The following MARK2 variants were observed in gnomAD, a reference collection of about 807,000 sequenced individuals.
MARK2 encodes serine/threonine-protein kinase MARK2.
MARK2 carries 16 observed loss-of-function variants against 89.8 expected under a neutral mutation model. That is an observed-to-expected ratio of 0.18 (90% confidence interval 0.12 to 0.27). The LOEUF (loss-of-function observed/expected upper bound fraction) is 0.27. Among genes scored for constraint, MARK2 ranks in the 10% least tolerant of loss-of-function variants. The probability of loss-of-function intolerance (pLI) is 1.00; values close to 1 mark genes in which losing one functional copy is unlikely to be tolerated. For synonymous variants in MARK2, 382 were observed against 399.5 expected (o/e 0.96, Z 0.52); for missense variants, 621 against 1,049.9 (o/e 0.59, Z 5.65).
chr11:63,877,396 C>T (rs1371216776), intron 1 of MARK2, among the ~76,000 whole-genome samples: 2 of 152,166 alleles, frequency 1.3e-5, no homozygotes, highest in Non-Finnish European at 2.9e-5. Context: ...CAGGCGTGAG[C>T]CACTGCACCC....
At position 63,908,886 on chromosome 11, in the gene MARK2, G is replaced by A. The variant is rs893739769; in HGVS notation, c.2016G>A (p.Val672=). The A allele has an allele frequency of 7.3e-6, 11 of 1,506,668 alleles. No individual in the cohort carries two copies. The highest frequency in any genetic ancestry group is 1.4e-5 in the African/African-American group (1 of 71,710). 93.3% of individuals were successfully genotyped at this position (1,506,668 alleles called of 1,614,324 possible). The stretch of plus-strand genomic sequence containing the variant: ...TCTGCCCTCTCCACAGACCTCACGT[G>A]GTGGGCAGTGGCGGCAACGACAAAG... The part of the protein sequence containing the change: ...KDRVETLRPH[V]VGSGGNDKEK... Residue 672 remains valine (V), a synonymous_variant, in exon 19 of 19, where the codon GTG becomes GTA. Transcript: ENST00000402010.
intron 4 of MARK2, 83 bp from the exon 5 acceptor site, chr11:63,898,525 C>A: frequency 8.8e-7 from 1 of 1,132,356 alleles, no homozygotes; most frequent in South Asian, 1.3e-5. Context: ...GACTTTCGTT[C>A]CTAGGATGCT....
rs1171912102 is a variant in MARK2 at position 63,895,251 on chromosome 11, C to T, written c.147C>T (p.His49=). 1 of 1,614,112 alleles carries T rather than the reference C, an allele frequency of 6.2e-7. No homozygotes were observed. Among genetic ancestry groups the T allele is most frequent in the Non-Finnish European group, 8.5e-7 (1 of 1,179,990 alleles). ...NSATSADEQP[H]IGNYRLLKTI... ...CCACCTCTGCTGATGAGCAGCCCCA[C>T]ATTGGAAACTACCGGCTCCTCAAGA... The change falls in exon 2 of 19, where the codon CAC becomes CAT. Residue 49 remains histidine, a synonymous_variant. Coordinates refer to ENST00000402010, the MANE Select transcript of MARK2 (RefSeq NM_001039469.3).
chr11:63,887,462 A>T (rs1252596680), intron 1 of MARK2, among the ~76,000 whole-genome samples: 1 of 152,200 alleles, frequency 6.6e-6, no homozygotes, highest in East Asian at 1.9e-4. Context: ...GAAATGCTGA[A>T]TCCGTTGGCC....
chr11:63,862,527 A>G (rs1019329153), intron 1 of MARK2, among the ~76,000 whole-genome samples: 2 of 152,182 alleles, frequency 1.3e-5, no homozygotes, highest in Non-Finnish European at 2.9e-5. Context: ...CTTGGTGGCC[A>G]TTGGTAAATG....
rs568937869 is a variant in MARK2, at chr11:63,858,396, A to G, written c.54+18836A>G. Among the ~76,000 whole-genome samples the G allele has an allele frequency of 6.4e-4, 95 of 148,652 alleles. 1 individual carries two copies. The highest frequency in any genetic ancestry group is 1.9e-3 in the African/African-American group (78 of 40,176). ...TTTTTTTGAGACAGTGTCTCACTCT[A>G]TCACCCAGGCTGGAGTGCAATGGCA... On this transcript the variant is annotated intron_variant, in intron 1 of 18. Coordinates refer to ENST00000402010, the MANE Select transcript of MARK2 (RefSeq NM_001039469.3).
At chr11:63,854,172 C>G (rs2016717931) in intron 1 of MARK2, among the ~76,000 whole-genome samples, 1 of 139,890 alleles carries the variant, frequency 7.1e-6, no homozygotes, top group Non-Finnish European at 1.5e-5. Context: ...CATGCCTGGC[C>G]AAGACTATTA....
In MARK2 at chr11:63,904,173, A is replaced by T. The variant is rs771516783; in HGVS notation, c.1676+26A>T. 1.3e-4 allele frequency: 197 copies of T among 1,536,340 alleles called. No homozygotes were observed. In the South Asian group the frequency reaches 2.2e-3, roughly 17 times the overall value. ...GCAAGTGTGCTGGGGCAGCTGGTGC[A>T]CCTGCTGCCCTCAGCCCACCCTACC... is the stretch of plus-strand genomic sequence containing the variant. On this transcript the variant is annotated intron_variant, in intron 15 of 18. Coordinates refer to ENST00000402010, the MANE Select transcript of MARK2 (RefSeq NM_001039469.3). This position sits in a 1 kb window ranked among gnomAD's most constrained non-coding sequence, Gnocchi z 6.3.
In MARK2 at chr11:63,904,629, T is replaced by TG. The variant is rs1162719744; in HGVS notation, c.1677-156dup. Among the ~76,000 whole-genome samples, 1 of 152,028 alleles carries TG rather than the reference T, an allele frequency of 6.6e-6. No individual in the cohort carries two copies. The highest frequency in any genetic ancestry group is 2.4e-5 in the African/African-American group (1 of 41,400). On this transcript the variant is annotated intron_variant, in intron 15 of 18. Transcript: ENST00000402010. The surrounding 1 kb of genome is among the most constrained non-coding windows in gnomAD (Gnocchi z 6.3). Reference sequence around the variant, plus strand: ...TTCCACGAGACTTCCTTCTCACCACTGTCCTCAGTAGTCACACCCTTCCTT... The same window carrying TG: ...TTCCACGAGACTTCCTTCTCACCACTGGTCCTCAGTAGTCACACCCTTCCTT...
intron 3 of MARK2, among the ~76,000 whole-genome samples, chr11:63,896,489 C>A (rs1207293921): frequency 6.6e-6 from 1 of 152,214 alleles, no homozygotes; most frequent in Non-Finnish European, 1.5e-5. Flanking sequence ...CAGATATTTT[C>A]TCCATAAGCA....
At chr11:63,870,257 T>A (rs1033728883) in intron 1 of MARK2, among the ~76,000 whole-genome samples, 19 of 152,260 alleles carry the variant, frequency 1.2e-4, no homozygotes, top group Admixed American at 4.6e-4. Flanking sequence ...TGTATTTTTG[T>A]GGAGACAGGG....
intron 17 of MARK2, among the ~76,000 whole-genome samples, chr11:63,907,443 C>T (rs937819478): frequency 1.3e-5 from 2 of 152,238 alleles, no homozygotes; most frequent in African/African-American, 2.4e-5. Flanking sequence ...TGCTCTTCCT[C>T]CTTCCTCTCA....
rs146498744 is a variant in MARK2 at position 63,887,119 on chromosome 11, G to A, written c.55-8040G>A. Among the ~76,000 whole-genome samples, 856 of 152,304 alleles carry A rather than the reference G, an allele frequency of 5.6e-3. 4 individuals carry two copies. Among genetic ancestry groups the A allele is most frequent in the Admixed American group, 9.0e-3 (137 of 15,298 alleles). On this transcript the variant is annotated intron_variant, in intron 1 of 18. Transcript: ENST00000402010. ...CAAACATTGTCATTCCCAGTGTCCC[G>A]AGCACCTTCCCTGAGTCTTCATACC...
At chr11:63,883,258 C>T (rs916252843) in intron 1 of MARK2, among the ~76,000 whole-genome samples, 6 of 152,176 alleles carry the variant, frequency 3.9e-5, no homozygotes, top group African/African-American at 1.4e-4. Flanking sequence ...AGGGCGAAGG[C>T]ATGGGCACCA....
chr11:63,890,668 G>A (rs919920903), intron 1 of MARK2, among the ~76,000 whole-genome samples: 4 of 152,236 alleles, frequency 2.6e-5, no homozygotes, highest in Non-Finnish European at 5.9e-5. Flanking sequence ...CTTCAGCTGA[G>A]CTGTAGCTGG....
intron 17 of MARK2, among the ~76,000 whole-genome samples, chr11:63,906,864 T>A (rs1590713192): frequency 8.3e-6 from 1 of 121,210 alleles, no homozygotes; most frequent in African/African-American, 3.1e-5. Flanking sequence ...TCTGGATAAA[T>A]CAAGCCTCTT....
chr11:63,878,433 G>T (rs1025756143), intron 1 of MARK2, among the ~76,000 whole-genome samples: 1 of 132,996 alleles, frequency 7.5e-6, no homozygotes. Flanking sequence ...TCAGTGGCAC[G>T]ATCTCGGCTC....
At chr11:63,881,912 T>C (rs999912731) in intron 1 of MARK2, among the ~76,000 whole-genome samples, 1 of 152,036 alleles carries the variant, frequency 6.6e-6, no homozygotes, top group African/African-American at 2.4e-5. Flanking sequence ...GCTGTGATTG[T>C]GCCATTGCAG....
In MARK2 at chr11:63,909,341, T is replaced by C. The variant is rs1941601994; in HGVS notation, c.*104T>C. The C allele has an allele frequency of 1.6e-6, 2 of 1,239,874 alleles. No individual in the cohort carries two copies. Among genetic ancestry groups the C allele is most frequent in the East Asian group, 2.7e-5 (1 of 37,396 alleles). The allele number at this position is 1,239,874 out of a possible 1,614,324, so 76.8% of individuals were successfully genotyped here. A position where few individuals can be genotyped will look rare whatever the true frequency, so the allele number is the denominator to read the frequency against. The stretch of plus-strand genomic sequence containing the variant: ...GACTGCAGCGATGGATTGGTGTGTC[T>C]CCCCTGCTGGCACTTCTCCCCTCCC... On this transcript the variant is annotated 3_prime_UTR_variant, in exon 19 of 19. Transcript: ENST00000402010.
Sources: gnomAD v4.1 joint callset for allele counts (sites outside exome capture counted in the v4.1 genomes callset) on GRCh38, gnomAD v4.1.1 for gene constraint, Gnocchi (gnomAD v3.1) non-coding constraint, MANE v1.5 for transcripts, NCBI Gene and HGNC (gene_info 2026-07-23, HGNC 2026-07-21) for gene names.